The following KIT variants were observed in gnomAD, a reference collection of about 807,000 sequenced individuals.
The protein encoded by KIT is mast/stem cell growth factor receptor Kit.
Under a neutral mutation model 105.7 loss-of-function variants are expected in KIT, and 16 were observed. That is an observed-to-expected ratio of 0.15 (90% confidence interval 0.10 to 0.23). The LOEUF is 0.23. KIT is among the 10% of genes least tolerant of loss of function. KIT has a pLI of 1.00. For missense variants in KIT, 858 were observed against 1,213.8 expected (o/e 0.71, Z 4.36); for synonymous variants, 438 against 441.1 (o/e 0.99, Z 0.09).
intron 1 of KIT, among the ~76,000 whole-genome samples, chr4:54,659,382 C>T (rs1717069780): frequency 1.3e-5 from 2 of 152,162 alleles, no homozygotes; most frequent in African/African-American, 4.8e-5. Context: ...CCTGCTATCT[C>T]CCAGGTCATT....
At chr4:54,673,442 C>G (rs1406804166) in intron 1 of KIT, among the ~76,000 whole-genome samples, 1 of 152,180 alleles carries the variant, frequency 6.6e-6, no homozygotes, top group African/African-American at 2.4e-5. Context: ...CCTGTCATTT[C>G]TGAAATGATT....
intron 11 of KIT, 126 bp downstream of exon 11, chr4:54,727,668 C>T: frequency 1.5e-6 from 2 of 1,378,078 alleles, no homozygotes; most frequent in African/African-American, 1.4e-5. Context: ...GAAATTGCGC[C>T]CCTTTTGATA....
intron 1 of KIT, among the ~76,000 whole-genome samples, chr4:54,660,575 G>A (rs1013623694): frequency 2.0e-5 from 3 of 151,936 alleles, no homozygotes; most frequent in Admixed American, 1.3e-4. Context: ...CTTAAGTTTC[G>A]TATGACATGT....
intron 1 of KIT, among the ~76,000 whole-genome samples, chr4:54,673,822 A>G (rs990818718): frequency 2.6e-5 from 4 of 152,000 alleles, no homozygotes; most frequent in Non-Finnish European, 5.9e-5. Flanking sequence ...TTTTCATTTT[A>G]TTTTATTTTA....
chr4:54,722,843 T>G (rs1303875621), intron 7 of KIT, among the ~76,000 whole-genome samples: 1 of 143,176 alleles, frequency 7.0e-6, no homozygotes. Context: ...TTATATATAT[T>G]TATATATATT....
At chr4:54,685,036 G>C (rs1560386031) in intron 1 of KIT, among the ~76,000 whole-genome samples, 1 of 152,094 alleles carries the variant, frequency 6.6e-6, no homozygotes, top group South Asian at 2.1e-4. Context: ...AATTACTTTT[G>C]CACCAACCTT....
intron 1 of KIT, among the ~76,000 whole-genome samples, chr4:54,677,070 G>A (rs1718532483): frequency 6.6e-6 from 1 of 152,138 alleles, no homozygotes; most frequent in Non-Finnish European, 1.5e-5. Flanking sequence ...CTCTATGGGT[G>A]AGGGGTGGGG....
At chr4:54,709,364 A>G (rs376835084) in intron 6 of KIT, 60 bp from the exon 7 acceptor site, 8 of 1,051,368 alleles carry the variant, frequency 7.6e-6, no homozygotes, top group African/African-American at 6.2e-5. Context: ...AAACTGAAAA[A>G]GACATGCCTT....
intron 1 of KIT, among the ~76,000 whole-genome samples, chr4:54,663,094 T>C (rs769178728): frequency 1.3e-4 from 20 of 152,372 alleles, no homozygotes; most frequent in Non-Finnish European, 2.6e-4. Flanking sequence ...GCTTACATTT[T>C]GGTTATGACA....
intron 16 of KIT, 22 bp from the exon 17 acceptor site, chr4:54,733,048 C>G (rs2109800759): frequency 6.2e-7 from 1 of 1,606,386 alleles, no homozygotes; most frequent in Non-Finnish European, 8.5e-7. Context: ...AAATGGTTTT[C>G]TTTTCTCCTC....
Position 54,737,051 on chromosome 4 carries a change from A to G in KIT, c.2697-124A>G, listed in dbSNP as rs3752400. The G allele has an allele frequency of 0.11, 86,460 of 752,268 alleles. 5,509 individuals carry two copies. The highest frequency in any genetic ancestry group is 0.17 in the South Asian group (11,774 of 68,522). 46.6% of individuals were successfully genotyped at this position (752,268 alleles called of 1,614,324 possible). Reference sequence around the variant, plus strand: ...ATACATGCAGTGTTTTATGTTATCTATATGTCAGTCCATATGTCCAGTTGC... The same window carrying G: ...ATACATGCAGTGTTTTATGTTATCTGTATGTCAGTCCATATGTCCAGTTGC... On this transcript the variant is annotated intron_variant, in intron 19 of 20. Coordinates refer to ENST00000288135, the MANE Select transcript of KIT (RefSeq NM_000222.3).
chr4:54,729,555 A>C, intron 14 of KIT, 70 bp downstream of exon 14: 1 of 1,484,496 alleles, frequency 6.7e-7, no homozygotes, highest in East Asian at 2.3e-5. Context: ...TTTGCAATCA[A>C]GGCTGATTCT....
At chr4:54,688,087 C>T (rs1239085878) in intron 1 of KIT, among the ~76,000 whole-genome samples, 1 of 152,108 alleles carries the variant, frequency 6.6e-6, no homozygotes, top group Admixed American at 6.5e-5. Flanking sequence ...TTGATTTAGT[C>T]TCCCCACTGC....
intron 1 of KIT, among the ~76,000 whole-genome samples, chr4:54,685,809 C>CTCT (rs1332266456): frequency 6.6e-6 from 1 of 152,202 alleles, no homozygotes; most frequent in Non-Finnish European, 1.5e-5. Flanking sequence ...GACCTTTCTC[C>CTCT]TCTTCTACCC....
chr4:54,706,422 TCTC>T lies in KIT; in HGVS notation c.926-673_926-671del, dbSNP rs545000082. ...GCTAAACATTTTTTCTACATTTTAT[TCTC>T]CTTTTTCCTGTTACATTAATTATTT... On this transcript the variant is annotated intron_variant, in intron 5 of 20. Coordinates refer to ENST00000288135, the MANE Select transcript of KIT (RefSeq NM_000222.3). Among the ~76,000 whole-genome samples the T allele has an allele frequency of 2.6e-5, 4 of 152,200 alleles. No individual in the cohort carries two copies. The South Asian group carries it at 8.3e-4, about 32-fold the overall frequency.
intron 1 of KIT, among the ~76,000 whole-genome samples, chr4:54,661,068 A>G (rs1717227362): frequency 6.6e-6 from 1 of 152,184 alleles, no homozygotes; most frequent in Non-Finnish European, 1.5e-5. Context: ...ATCTCATTCC[A>G]GTTAGCGTCC....
chr4:54,729,583 G>A (rs1322131394), intron 14 of KIT, 98 bp downstream of exon 14: 5 of 1,047,716 alleles, frequency 4.8e-6, no homozygotes, highest in Non-Finnish European at 7.2e-6. Context: ...ATGAACTGAG[G>A]TACTCTGAGG....
intron 1 of KIT, among the ~76,000 whole-genome samples, chr4:54,675,006 T>G (rs995234306): frequency 1.4e-5 from 2 of 142,642 alleles, no homozygotes; most frequent in Admixed American, 6.7e-5. Context: ...TTTCCTCTGA[T>G]TTTTTCCCCC....
chr4:54,727,278 G>T lies in KIT; in HGVS notation c.1601G>T (p.Gly534Val), dbSNP rs1560417096. 5 of 1,614,022 alleles carry T rather than the reference G, an allele frequency of 3.1e-6. No homozygotes were observed. Among genetic ancestry groups the T allele is most frequent in the Non-Finnish European group, 4.2e-6 (5 of 1,180,018 alleles). Reference protein sequence around the residue: ...PLLIGFVIVAGMMCIIVMILT... With the variant: ...PLLIGFVIVAVMMCIIVMILT... ...CTGATTGGTTTCGTAATCGTAGCTG[G>T]CATGATGTGCATTATTGTGATGATT... Residue 534 changes from glycine to valine, a missense_variant, in exon 10 of 21, where the codon GGC becomes GTC. By Grantham distance (109) the Gly-to-Val change is moderately radical (BLOSUM62 -3). Around this residue, in one of 7 missense-constraint regions of KIT, gnomAD observed 78 missense variants for 77.6 expected, o/e 1.01. Transcript: ENST00000288135.
Sources: allele counts gnomAD v4.1 joint callset (sites outside exome capture counted in the v4.1 genomes callset), GRCh38; gene constraint gnomAD v4.1.1; regional missense constraint gnomAD v4.1.1; transcripts MANE v1.5; gene names NCBI Gene and HGNC (gene_info 2026-07-23, HGNC 2026-07-21).